DPYD: variants seen among roughly 807,000 people sequenced by gnomAD.
DPYD encodes dihydropyrimidine dehydrogenase.
In DPYD, 109 loss-of-function variants were observed where a neutral mutation model predicts 116.2. The observed-to-expected ratio is 0.94, with a 90% CI of 0.80 to 1.10. The LOEUF is 1.10. DPYD is among the 50% of genes least tolerant of loss of function. The pLI is 0.00. For synonymous variants in DPYD, 440 were observed against 432.0 expected, an observed-to-expected ratio of 1.02 and a Z score of -0.23; for missense variants, 1,302 against 1,254.5, an observed-to-expected ratio of 1.04 and a Z score of -0.57.
At chr1:97,511,551 A>G (rs1647800284) in intron 13 of DPYD, among the ~76,000 whole-genome samples, 1 of 152,016 alleles carries the variant, frequency 6.6e-6, no homozygotes, top group Non-Finnish European at 1.5e-5. Flanking sequence ...ATTTATATTA[A>G]TATTACTCTT....
At chr1:97,298,867 G>C (rs1666696397) in intron 18 of DPYD, among the ~76,000 whole-genome samples, 2 of 152,022 alleles carry the variant, frequency 1.3e-5, no homozygotes, top group African/African-American at 2.4e-5. Context: ...GCCTCAACTA[G>C]GACTCTTTTC....
chr1:97,762,659 CCTTT>C (rs1325080320), intron 3 of DPYD, among the ~76,000 whole-genome samples: 5 of 152,112 alleles, frequency 3.3e-5, no homozygotes, highest in African/African-American at 1.2e-4. Context: ...CTGTCTTCAT[CCTTT>C]CTTTCCAATC....
rs866210055 is a variant in DPYD, at chr1:97,721,724, A to T, written c.322-53T>A. The T allele has an allele frequency of 4.6e-6, 7 of 1,537,384 alleles. No individual in the cohort carries two copies. The Middle Eastern group carries it at 1.3e-3, about 279-fold the overall frequency. On this transcript the variant is annotated intron_variant, in intron 4 of 22. Transcript: ENST00000370192. ...TACTACTTAAAAATATACTTTAAAC[A>T]GCCAAATTACGACAAACATTATTTC...
chr1:97,381,454 G>A (rs1013612894), intron 15 of DPYD, among the ~76,000 whole-genome samples: 1 of 152,198 alleles, frequency 6.6e-6, no homozygotes, highest in Non-Finnish European at 1.5e-5. Flanking sequence ...GGGCTCTGTG[G>A]AAGATTTCAT....
At chr1:97,799,742 A>G (rs752281942) in intron 3 of DPYD, among the ~76,000 whole-genome samples, 2 of 152,000 alleles carry the variant, frequency 1.3e-5, no homozygotes, top group African/African-American at 2.4e-5. Flanking sequence ...AAAATGATAC[A>G]TGAAAAAGAT....
chr1:97,483,666 A>T (rs925951983), intron 13 of DPYD, among the ~76,000 whole-genome samples: 1 of 152,184 alleles, frequency 6.6e-6, no homozygotes, highest in Non-Finnish European at 1.5e-5. Flanking sequence ...ATTTAAAAAA[A>T]GAGATGTGGC....
chr1:97,164,699 A>G (rs1656185674), intron 20 of DPYD, among the ~76,000 whole-genome samples: 1 of 152,120 alleles, frequency 6.6e-6, no homozygotes. Flanking sequence ...AGAATAAAAT[A>G]CCTAGGAATA....
At chr1:97,728,085 C>T (rs1436332611) in intron 4 of DPYD, among the ~76,000 whole-genome samples, 1 of 151,934 alleles carries the variant, frequency 6.6e-6, no homozygotes, top group Non-Finnish European at 1.5e-5. Flanking sequence ...AGGAGGGATA[C>T]AAAATACATA....
chr1:97,429,269 A>G (rs1675039870), intron 14 of DPYD, among the ~76,000 whole-genome samples: 1 of 152,054 alleles, frequency 6.6e-6, no homozygotes, highest in African/African-American at 2.4e-5. Flanking sequence ...GAGTAGAAAT[A>G]TTGGTATGCT....
intron 20 of DPYD, among the ~76,000 whole-genome samples, chr1:97,140,529 C>A (rs545187372): frequency 1.3e-5 from 2 of 152,252 alleles, no homozygotes; most frequent in South Asian, 2.1e-4. Flanking sequence ...AATATCACAA[C>A]CATGCCATAA....
intron 20 of DPYD, among the ~76,000 whole-genome samples, chr1:97,130,931 C>CTCTATCTA (rs71071635): frequency 1.7e-4 from 23 of 136,800 alleles, no homozygotes; most frequent in African/African-American, 6.0e-4. Context: ...CTTTCTCTCT[C>CTCTATCTA]TCTATCTATC....
rs193291902 is a variant in DPYD at position 97,212,835 on chromosome 1, C to T, written c.2443-19587G>A. ...TGGGCCAAATTGTGTAAATTCATAT[C>T]ACAACTTGCCATCCTGTAACTTAAC... On this transcript the variant is annotated intron_variant, in intron 19 of 22. Transcript: ENST00000370192. Among the ~76,000 whole-genome samples the T allele has an allele frequency of 8.5e-4, 130 of 152,214 alleles. 1 individual carries two copies. Among genetic ancestry groups the T allele is most frequent in the African/African-American group, 3.0e-3 (123 of 41,530 alleles).
intron 8 of DPYD, among the ~76,000 whole-genome samples, chr1:97,607,397 G>A (rs1253473873): frequency 2.6e-5 from 4 of 151,904 alleles, no homozygotes; most frequent in East Asian, 1.9e-4. Context: ...TGGAAGAGGG[G>A]CAGATTCTAA....
At chr1:97,349,409 A>C (rs1670020728) in intron 16 of DPYD, among the ~76,000 whole-genome samples, 1 of 151,672 alleles carries the variant, frequency 6.6e-6, no homozygotes, top group African/African-American at 2.4e-5. Flanking sequence ...GGTTTGTTAC[A>C]TATGTATACA....
chr1:97,874,898 G>A (rs145477697), intron 2 of DPYD, among the ~76,000 whole-genome samples: 276 of 151,858 alleles, frequency 1.8e-3, no homozygotes, highest in African/African-American at 6.2e-3. Context: ...ACAAAAAACT[G>A]CTAATTAAAC....
At chr1:97,337,579 A>G (rs1669364057) in intron 16 of DPYD, among the ~76,000 whole-genome samples, 1 of 151,928 alleles carries the variant, frequency 6.6e-6, no homozygotes, top group Admixed American at 6.6e-5. Context: ...ACGAGATCTT[A>G]GCTGATGGCT....
intron 20 of DPYD, among the ~76,000 whole-genome samples, chr1:97,121,392 A>T (rs1652418793): frequency 6.6e-6 from 1 of 152,100 alleles, no homozygotes; most frequent in African/African-American, 2.4e-5. Flanking sequence ...CTGACTTTCA[A>T]TATCACTTTA....
chr1:97,378,025 T>G (rs1449190931), intron 15 of DPYD, among the ~76,000 whole-genome samples: 5 of 152,214 alleles, frequency 3.3e-5, no homozygotes, highest in African/African-American at 1.2e-4. Flanking sequence ...CTTCTTCTGT[T>G]AAATGAATAC....
chr1:97,159,436 C>A (rs970778967), intron 20 of DPYD, among the ~76,000 whole-genome samples: 5 of 151,776 alleles, frequency 3.3e-5, no homozygotes, highest in African/African-American at 1.2e-4. Context: ...ACTTGTGGAA[C>A]AATCTTTGAA....
Sources: allele counts gnomAD v4.1 joint callset (sites outside exome capture counted in the v4.1 genomes callset), GRCh38; gene constraint gnomAD v4.1.1; transcripts MANE v1.5; gene names NCBI Gene and HGNC (gene_info 2026-07-23, HGNC 2026-07-21).